The following NTN1 variants were observed in gnomAD, a reference collection of about 807,000 sequenced individuals.
The protein encoded by NTN1 is netrin 1.
A neutral mutation model predicts 54.2 loss-of-function variants in NTN1; 11 were observed. That is an observed-to-expected ratio of 0.20 (90% CI 0.13 to 0.34). The LOEUF (loss-of-function observed/expected upper bound fraction) is 0.34, where lower values mean the gene tolerates loss of function less well. Ranked by LOEUF, NTN1 falls within the 10% of genes least tolerant of loss-of-function variation. The pLI is 1.00. For synonymous variants in NTN1, 371 were observed against 382.0 expected, an observed-to-expected ratio of 0.97 and a Z score of 0.33; for missense variants, 740 against 893.1, an observed-to-expected ratio of 0.83 and a Z score of 2.18.
intron 2 of NTN1, among the ~76,000 whole-genome samples, chr17:9,139,806 T>C (rs1177521007): frequency 6.6e-6 from 1 of 152,176 alleles, no homozygotes; most frequent in African/African-American, 2.4e-5. Context: ...CACTTATCCA[T>C]CTACACCTAT....
intron 2 of NTN1, among the ~76,000 whole-genome samples, chr17:9,075,401 G>C (rs1305013215): frequency 1.3e-5 from 2 of 152,190 alleles, no homozygotes; most frequent in Admixed American, 6.5e-5. Flanking sequence ...AGAATCGCTT[G>C]AACCTGGAAG....
chr17:9,111,301 G>T (rs1233511793), intron 2 of NTN1, among the ~76,000 whole-genome samples: 1 of 152,128 alleles, frequency 6.6e-6, no homozygotes, highest in Non-Finnish European at 1.5e-5. Context: ...TCCAAATAAG[G>T]TCACGTTTAC....
chr17:9,033,729 C>T (rs560663972), intron 2 of NTN1, among the ~76,000 whole-genome samples: 9 of 152,136 alleles, frequency 5.9e-5, no homozygotes, highest in Admixed American at 2.6e-4. Context: ...ACCAGCCAGA[C>T]CAACATGGAG....
chr17:9,059,132 A>G (rs1263050534), intron 2 of NTN1, among the ~76,000 whole-genome samples: 3 of 152,190 alleles, frequency 2.0e-5, no homozygotes, highest in Non-Finnish European at 2.9e-5. Context: ...CCTACCTGCT[A>G]CGTGGCCGGC....
chr17:9,014,459 C>T, the NTN1 span, among the ~76,000 whole-genome samples: 13 of 152,148 alleles, frequency 8.5e-5, 1 homozygote, highest in South Asian at 1.2e-3. Context: ...TTAAAATCGC[C>T]GACCAACCCT....
chr17:9,225,918 C>T (rs1217325904), intron 6 of NTN1, among the ~76,000 whole-genome samples: 5 of 152,226 alleles, frequency 3.3e-5, no homozygotes, highest in Non-Finnish European at 7.3e-5. Context: ...GCCCCGGACC[C>T]CCTTCCTCCT....
At chr17:9,162,617 A>G (rs909101515) in intron 2 of NTN1, among the ~76,000 whole-genome samples, 196 bp from the exon 3 acceptor site, 4 of 152,182 alleles carry the variant, frequency 2.6e-5, no homozygotes, top group Non-Finnish European at 4.4e-5. Flanking sequence ...TTAGCCATGT[A>G]TTGTTACGTG....
At chr17:9,057,022 C>G (rs2091981559) in intron 2 of NTN1, among the ~76,000 whole-genome samples, 1 of 152,102 alleles carries the variant, frequency 6.6e-6, no homozygotes. Context: ...CCTTAGGATT[C>G]TTTCTCCATG....
rs1555569108 is a variant in NTN1 at position 9,114,166 on chromosome 17, A to AAATAT, written c.1019-48646_1019-48645insATATA. ...GCCAAAAAAAAAGAAAAAAAAAAAA[A>AAATAT]ATATATATATATATATATATGATTC... On this transcript the variant is annotated intron_variant, in intron 2 of 6. Coordinates refer to ENST00000173229, the MANE Select transcript of NTN1 (RefSeq NM_004822.3). Among the ~76,000 whole-genome samples, 145 of 74,592 alleles carry AAATAT rather than the reference A, an allele frequency of 1.9e-3. 4 individuals carry two copies. Among genetic ancestry groups the AAATAT allele is most frequent in the African/African-American group, 7.7e-3 (132 of 17,156 alleles). The allele number at this position is 74,592 out of a possible 152,430, so 48.9% of individuals were successfully genotyped here. A position where few individuals can be genotyped will look rare whatever the true frequency, so the allele number is the denominator to read the frequency against.
At chr17:9,084,654 T>G (rs1340287410) in intron 2 of NTN1, among the ~76,000 whole-genome samples, 44 of 141,926 alleles carry the variant, frequency 3.1e-4, no homozygotes, top group Middle Eastern at 3.5e-3. Context: ...AGTTTTTTTT[T>G]TTTTTTTTTT....
chr17:9,183,844 C>A (rs370316743), intron 5 of NTN1, among the ~76,000 whole-genome samples: 2 of 152,190 alleles, frequency 1.3e-5, no homozygotes, highest in South Asian at 4.1e-4. Context: ...CTCTGGCTGT[C>A]GGCACTCAGA....
chr17:9,019,238 A>G (rs2091838304), upstream of NTN1, among the ~76,000 whole-genome samples: 1 of 152,258 alleles, frequency 6.6e-6, no homozygotes, highest in Non-Finnish European at 1.5e-5. Flanking sequence ...GCAAAGATAA[A>G]TAAAAATCAC....
intron 2 of NTN1, among the ~76,000 whole-genome samples, chr17:9,144,394 T>C (rs1038964691): frequency 6.6e-5 from 10 of 152,136 alleles, no homozygotes; most frequent in African/African-American, 2.2e-4. Context: ...TCCTCATTCC[T>C]AGATAAGGAA....
intron 2 of NTN1, among the ~76,000 whole-genome samples, chr17:9,045,599 G>A (rs2091939257): frequency 6.6e-6 from 1 of 152,144 alleles, no homozygotes; most frequent in Admixed American, 6.5e-5. Flanking sequence ...CATGAGAAAG[G>A]CTGAAAATTA....
At chr17:9,204,655 G>C (rs1435447422) in intron 5 of NTN1, among the ~76,000 whole-genome samples, 3 of 152,174 alleles carry the variant, frequency 2.0e-5, no homozygotes, top group African/African-American at 7.2e-5. Context: ...GCAAATGGCA[G>C]TGAATCGGGG....
At chr17:9,161,932 A>C (rs1225692467) in intron 2 of NTN1, among the ~76,000 whole-genome samples, 1 of 117,136 alleles carries the variant, frequency 8.5e-6, no homozygotes, top group Non-Finnish European at 2.0e-5. Context: ...TGGAGACCCC[A>C]GACCTGAAGC....
At chr17:9,142,309 A>C (rs538060878) in intron 2 of NTN1, among the ~76,000 whole-genome samples, 1 of 135,348 alleles carries the variant, frequency 7.4e-6, no homozygotes, top group African/African-American at 2.5e-5. Context: ...AAAAAAAAAG[A>C]AAAAAACCAA....
intron 2 of NTN1, among the ~76,000 whole-genome samples, chr17:9,074,850 A>G (rs58231236): frequency 3.3e-5 from 5 of 152,316 alleles, no homozygotes; most frequent in Admixed American, 1.3e-4. Flanking sequence ...CCCAAGGGCA[A>G]TTCTCAAAGG....
chr17:9,109,557 A>C (rs1007567121), intron 2 of NTN1, among the ~76,000 whole-genome samples: 7 of 152,274 alleles, frequency 4.6e-5, no homozygotes, highest in Non-Finnish European at 1.0e-4. Flanking sequence ...GCTTTTCCCC[A>C]GTTTTTTCCT....
Sources: gnomAD v4.1 joint callset for allele counts (sites outside exome capture counted in the v4.1 genomes callset) on GRCh38, gnomAD v4.1.1 for gene constraint, MANE v1.5 for transcripts, NCBI Gene and HGNC (gene_info 2026-07-23, HGNC 2026-07-21) for gene names.